Variants in C9 observed in about 807,000 individuals in gnomAD.
C9 encodes the protein complement component C9.
Under a neutral mutation model 65.4 loss-of-function variants are expected in C9, and 63 were observed. The ratio of observed to expected loss-of-function variants is 0.96; its 90% confidence interval spans 0.79 to 1.19. C9 has a LOEUF of 1.19. Among genes scored for constraint, C9 ranks in the 50% most tolerant of loss-of-function variants. C9 has a pLI of 0.00. For missense variants in C9, 744 were observed against 670.1 expected, an observed-to-expected ratio of 1.11 and a Z score of -1.22; for synonymous variants, 229 against 227.9, an observed-to-expected ratio of 1.00 and a Z score of -0.04.
chr5:39,314,056 A>G (rs1753532169), intron 6 of C9, among the ~76,000 whole-genome samples: 1 of 152,138 alleles, frequency 6.6e-6, no homozygotes, highest in Admixed American at 6.6e-5. Flanking sequence ...ATTTTTAGCA[A>G]GACTCCTTGC....
chr5:39,314,461 A>G (rs1052311472), intron 6 of C9, among the ~76,000 whole-genome samples: 2 of 151,778 alleles, frequency 1.3e-5, no homozygotes, highest in South Asian at 2.1e-4. Context: ...AAATAAATAA[A>G]TTAAATTAAA....
intron 1 of C9, among the ~76,000 whole-genome samples, chr5:39,356,229 A>G (rs1038075423): frequency 6.6e-6 from 1 of 152,198 alleles, no homozygotes; most frequent in Non-Finnish European, 1.5e-5. Context: ...GGAGAATTAC[A>G]CTACTTATCC....
chr5:39,357,660 C>T (rs925195976), intron 1 of C9, among the ~76,000 whole-genome samples: 1 of 152,070 alleles, frequency 6.6e-6, no homozygotes, highest in Non-Finnish European at 1.5e-5. Flanking sequence ...TAGAGACTGC[C>T]CTAGGACTGG....
chr5:39,311,466 A>G (rs1378601086), intron 6 of C9, 89 bp from the exon 7 acceptor site: 2 of 1,317,962 alleles, frequency 1.5e-6, no homozygotes, highest in East Asian at 2.3e-5. Context: ...TTCCATAGGC[A>G]CTAAATGTTT....
At position 39,306,722 on chromosome 5, in the gene C9, T is replaced by C. The variant is rs773337966; in HGVS notation, c.1311A>G (p.Ala437=). The C allele has an allele frequency of 1.9e-6, 3 of 1,612,560 alleles. No individual in the cohort carries two copies. In the African/African-American group the frequency reaches 4.0e-5, roughly 22 times the overall value. Residue 437 remains alanine, a synonymous_variant, in exon 9 of 11, where the codon GCA becomes GCG. Coordinates refer to ENST00000263408, the MANE Select transcript of C9 (RefSeq NM_001737.5). ...SLIRGGTRKY[A]FELKEKLLRG... ...GGAGAAGCTTTTCTTTCAGTTCAAA[T>C]GCATATTTTCTGGTTCCACCTCTTA...
Position 39,323,142 on chromosome 5 carries a change from T to A in C9, c.616-7113A>T, listed in dbSNP as rs533321481. 1.8e-4 allele frequency among the ~76,000 whole-genome samples: 28 copies of A among 152,082 alleles called. 1 individual carries two copies. The South Asian group carries it at 5.4e-3, about 29-fold the overall frequency. On this transcript the variant is annotated intron_variant, in intron 5 of 10. Coordinates refer to ENST00000263408, the MANE Select transcript of C9 (RefSeq NM_001737.5). The stretch of plus-strand genomic sequence containing the variant: ...TGAAGAAATAGAAAATGCAGACCAA[T>A]AATGATTAAAAAGATTGAATCAGTA...
chr5:39,336,620 T>C, intron 4 of C9, among the ~76,000 whole-genome samples: 1 of 152,144 alleles, frequency 6.6e-6, no homozygotes, highest in East Asian at 1.9e-4. Flanking sequence ...CCCACATCCA[T>C]GAATGAATAT....
intron 1 of C9, among the ~76,000 whole-genome samples, chr5:39,344,573 A>C (rs760142324): frequency 5.3e-5 from 8 of 152,324 alleles, no homozygotes; most frequent in Middle Eastern, 3.4e-3. Flanking sequence ...GACAGGGAGA[A>C]TGGAACCAAG....
chr5:39,360,526 C>T (rs1754496528), intron 1 of C9, among the ~76,000 whole-genome samples: 1 of 151,920 alleles, frequency 6.6e-6, no homozygotes, highest in Non-Finnish European at 1.5e-5. Context: ...GGAAGAATGA[C>T]AAACTGGGAA....
chr5:39,331,098 T>A (rs1321684948), intron 5 of C9, among the ~76,000 whole-genome samples: 1 of 152,188 alleles, frequency 6.6e-6, no homozygotes, highest in African/African-American at 2.4e-5. Flanking sequence ...TAAATATTAA[T>A]CCTTTTAATG....
intron 9 of C9, among the ~76,000 whole-genome samples, chr5:39,302,913 G>C (rs187113227): frequency 6.6e-6 from 1 of 152,058 alleles, no homozygotes. Flanking sequence ...AGATTAAAGA[G>C]TAATATTTCT....
intron 4 of C9, among the ~76,000 whole-genome samples, chr5:39,335,636 T>C (rs542478696): frequency 2.0e-5 from 3 of 152,286 alleles, no homozygotes; most frequent in Admixed American, 6.5e-5. Context: ...TCATTTTATA[T>C]CAGGGACTTG....
intron 4 of C9, among the ~76,000 whole-genome samples, chr5:39,333,489 C>T (rs931556087): frequency 6.6e-6 from 1 of 152,010 alleles, no homozygotes; most frequent in African/African-American, 2.4e-5. Context: ...GCAGAACCAC[C>T]CAGCTGTTGC....
intron 1 of C9, among the ~76,000 whole-genome samples, chr5:39,352,800 A>G (rs1014835377): frequency 6.6e-6 from 1 of 151,930 alleles, no homozygotes; most frequent in Non-Finnish European, 1.5e-5. Context: ...AGAAACCTTC[A>G]GTAGCTTCCC....
chr5:39,358,087 C>T (rs1754442655), intron 1 of C9, among the ~76,000 whole-genome samples: 1 of 152,110 alleles, frequency 6.6e-6, no homozygotes, highest in African/African-American at 2.4e-5. Context: ...CCAGCTGCAG[C>T]CACCATCTGA....
rs148008839 is a variant in C9, at chr5:39,341,811, A to G, written c.184-111T>C. On this transcript the variant is annotated intron_variant, in intron 2 of 10. Coordinates refer to ENST00000263408, the MANE Select transcript of C9 (RefSeq NM_001737.5). ...TGCAATGAGTCAATGGTTTTAAGAT[A>G]GAAGTGGTGGAAGAAGTCACTGATG... 3.0e-3 allele frequency: 3,053 copies of G among 1,034,372 alleles called. 56 individuals carry two copies. In the African/African-American group the frequency reaches 0.041, roughly 14 times the overall value. 64.1% of individuals were successfully genotyped at this position (1,034,372 alleles called of 1,614,324 possible).
intron 1 of C9, among the ~76,000 whole-genome samples, chr5:39,345,006 G>C (rs1189927145): frequency 6.6e-6 from 1 of 152,122 alleles, no homozygotes; most frequent in African/African-American, 2.4e-5. Flanking sequence ...TGCCCTACAG[G>C]AGCTCCTGAA....
intron 2 of C9, 30 bp from the exon 3 acceptor site, chr5:39,341,730 T>C (rs1477160122): frequency 3.1e-6 from 5 of 1,610,130 alleles, no homozygotes; most frequent in South Asian, 1.1e-5. Flanking sequence ...ATGATTAGAA[T>C]TTCTAATGCC....
intron 9 of C9, 118 bp downstream of exon 9, chr5:39,306,499 G>C: frequency 2.4e-6 from 2 of 823,882 alleles, no homozygotes; most frequent in East Asian, 5.2e-5. Context: ...GGAAGAAATG[G>C]GAGTGTATCT....
Sources: gnomAD v4.1 joint callset for allele counts (sites outside exome capture counted in the v4.1 genomes callset) on GRCh38, gnomAD v4.1.1 for gene constraint, MANE v1.5 for transcripts, NCBI Gene and HGNC (gene_info 2026-07-23, HGNC 2026-07-21) for gene names.